Variants in CNDP1 observed in about 807,000 individuals in gnomAD.
CNDP1 encodes the protein beta-Ala-His dipeptidase.
A neutral mutation model predicts 58.1 loss-of-function variants in CNDP1; 44 were observed. That is an observed-to-expected ratio of 0.76 (90% confidence interval 0.60 to 0.97). The LOEUF (loss-of-function observed/expected upper bound fraction) is 0.97, where lower values mean the gene tolerates loss of function less well. Ranked by LOEUF, CNDP1 falls within the 50% of genes least tolerant of loss-of-function variation. The probability of loss-of-function intolerance (pLI) is 0.00; values close to 1 mark genes in which losing one functional copy is unlikely to be tolerated. For synonymous variants in CNDP1, 254 were observed against 252.6 expected (o/e 1.01, Z -0.05); for missense variants, 616 against 655.1 (o/e 0.94, Z 0.65).
chr18:74,546,489 G>A (rs563726123), intron 1 of CNDP1, among the ~76,000 whole-genome samples: 8 of 152,198 alleles, frequency 5.3e-5, no homozygotes, highest in African/African-American at 1.7e-4. Flanking sequence ...TGCCAGATGC[G>A]GTACTGTCTC....
chr18:74,562,095 C>T lies in CNDP1; in HGVS notation c.515C>T (p.Ala172Val), dbSNP rs1184229875. Residue 172 changes from alanine to valine, a missense_variant, in exon 5 of 12, where the codon GCT (alanine) becomes GTT (valine). By Grantham distance (64) the Ala-to-Val change is moderately conservative. Transcript: ENST00000358821. ...GATDNKGPVL[A>V]WINAVSAFRA... ...ACCGACAACAAAGGCCCTGTCTTGG[C>T]TTGGATCAATGCTGTGAGCGCCTTC... 2 of 1,613,980 alleles carry T rather than the reference C, an allele frequency of 1.2e-6. No homozygotes were observed. Among genetic ancestry groups the T allele is most frequent in the African/African-American group, 1.3e-5 (1 of 74,912 alleles).
chr18:74,544,717 CAAAAAAAAAAAA>C (rs10562152), intron 1 of CNDP1, among the ~76,000 whole-genome samples: 18 of 63,880 alleles, frequency 2.8e-4, no homozygotes, highest in African/African-American at 9.3e-4. Flanking sequence ...GGTTCTGTCT[CAAAAAAAAAAAA>C]AAAAAAAAAA....
intron 1 of CNDP1, among the ~76,000 whole-genome samples, chr18:74,540,965 C>T (rs997058725): frequency 6.6e-6 from 1 of 152,160 alleles, no homozygotes; most frequent in Non-Finnish European, 1.5e-5. Context: ...GAAGTGATGC[C>T]GATTTTCTTG....
At chr18:74,555,252 G>A (rs574772303) in intron 1 of CNDP1, among the ~76,000 whole-genome samples, 1 of 152,284 alleles carries the variant, frequency 6.6e-6, no homozygotes, top group African/African-American at 2.4e-5. Context: ...GCTGCAGGAG[G>A]GTGGGTTTGG....
intron 6 of CNDP1, among the ~76,000 whole-genome samples, 161 bp from the exon 7 acceptor site, chr18:74,571,025 C>T (rs1028833804): frequency 1.3e-5 from 2 of 152,152 alleles, no homozygotes; most frequent in African/African-American, 4.8e-5. Context: ...GTAGGAAATC[C>T]AGTCCCCATG....
Position 74,580,225 on chromosome 18 carries a change from T to C in CNDP1, c.1263T>C (p.Asn421=), listed in dbSNP as rs1568301337. The change falls in exon 10 of 12, where the codon AAT becomes AAC. Residue 421 remains asparagine (N), a synonymous_variant. Transcript: ENST00000358821. ...MTLGLHPWIA[N]IDDTQYLAAK... is the part of the protein sequence containing the mutation. ...TAGGACTACACCCGTGGATTGCAAA[T>C]ATTGATGACACCCAGTATCTCGCAG... The C allele has an allele frequency of 1.9e-6, 3 of 1,614,166 alleles. No homozygotes were observed. Among genetic ancestry groups the C allele is most frequent in the Non-Finnish European group, 2.5e-6 (3 of 1,180,012 alleles).
At chr18:74,553,874 C>A (rs1158831677) in intron 1 of CNDP1, among the ~76,000 whole-genome samples, 3 of 152,186 alleles carry the variant, frequency 2.0e-5, no homozygotes, top group African/African-American at 7.2e-5. Flanking sequence ...ACCATCCCCA[C>A]CCCATGATGG....
At chr18:74,552,228 T>C in intron 1 of CNDP1, among the ~76,000 whole-genome samples, 1 of 152,262 alleles carries the variant, frequency 6.6e-6, no homozygotes, top group East Asian at 1.9e-4. Context: ...TTCAATAATA[T>C]ATTTGTATTG....
chr18:74,558,121 A>G (rs1028271752), intron 2 of CNDP1, among the ~76,000 whole-genome samples: 1 of 152,244 alleles, frequency 6.6e-6, no homozygotes, highest in Non-Finnish European at 1.5e-5. Flanking sequence ...CATAATAAAA[A>G]TAAAAGCTCT....
chr18:74,563,017 G>A (rs911678746), intron 5 of CNDP1, among the ~76,000 whole-genome samples: 2 of 152,186 alleles, frequency 1.3e-5, no homozygotes, highest in Non-Finnish European at 2.9e-5. Context: ...CCCTGTCCAA[G>A]GCTGCAAGGC....
At chr18:74,579,438 A>G (rs1037282610) in intron 9 of CNDP1, among the ~76,000 whole-genome samples, 1 of 149,304 alleles carries the variant, frequency 6.7e-6, no homozygotes, top group African/African-American at 2.5e-5. Flanking sequence ...TTCTCACAAC[A>G]TATAAACTCC....
At chr18:74,560,599 T>C in intron 3 of CNDP1, among the ~76,000 whole-genome samples, 1 of 151,930 alleles carries the variant, frequency 6.6e-6, no homozygotes, top group East Asian at 1.9e-4. Context: ...CAGCTACTTA[T>C]GAGGAGGCTG....
At chr18:74,547,634 C>A (rs1980795791) in intron 1 of CNDP1, among the ~76,000 whole-genome samples, 1 of 152,310 alleles carries the variant, frequency 6.6e-6, no homozygotes, top group African/African-American at 2.4e-5. Context: ...ACAGGGCATG[C>A]AACTCTCCAG....
intron 7 of CNDP1, among the ~76,000 whole-genome samples, chr18:74,575,628 G>A (rs1316900551): frequency 6.6e-6 from 1 of 152,154 alleles, no homozygotes; most frequent in African/African-American, 2.4e-5. Context: ...GCACACTAGT[G>A]TATACAGGGG....
At chr18:74,582,985 AT>A (rs1165827398) in intron 10 of CNDP1, among the ~76,000 whole-genome samples, 3 of 152,180 alleles carry the variant, frequency 2.0e-5, no homozygotes, top group Non-Finnish European at 4.4e-5. Flanking sequence ...TTAGTTCAAA[AT>A]AAAATTTTTA....
chr18:74,560,188 G>T (rs1469327914), intron 3 of CNDP1, among the ~76,000 whole-genome samples: 1 of 151,838 alleles, frequency 6.6e-6, no homozygotes, highest in African/African-American at 2.4e-5. Context: ...GCTAATCTTT[G>T]TATTTTTATT....
chr18:74,555,939 C>A (rs1290608786), intron 1 of CNDP1, among the ~76,000 whole-genome samples: 1 of 152,212 alleles, frequency 6.6e-6, no homozygotes, highest in African/African-American at 2.4e-5. Context: ...TAGAGCAGTT[C>A]ATCACACATG....
Position 74,580,192 on chromosome 18 carries a change from C to T in CNDP1, c.1230C>T (p.Ser410=). Residue 410 remains serine, a synonymous_variant, in exon 10 of 12, where the codon TCC becomes TCT. Coordinates refer to ENST00000358821, the MANE Select transcript of CNDP1 (RefSeq NM_032649.6). The stretch of plus-strand genomic sequence containing the variant: ...ATAGTTCCAACAAGATGGTTGTTTC[C>T]ATGACTCTAGGACTACACCCGTGGA... ...KRNSSNKMVV[S]MTLGLHPWIA... is the part of the protein sequence containing the mutation. 3 of 1,614,034 alleles carry T rather than the reference C, an allele frequency of 1.9e-6. No homozygotes were observed. Among genetic ancestry groups the T allele is most frequent in the East Asian group, 2.2e-5 (1 of 44,880 alleles).
chr18:74,560,843 G>A lies in CNDP1; in HGVS notation c.304-13G>A, dbSNP rs1981173745. On this transcript the variant is annotated splice_polypyrimidine_tract_variant and intron_variant, in intron 3 of 11. Coordinates refer to ENST00000358821, the MANE Select transcript of CNDP1 (RefSeq NM_032649.6). ...CAGCATTTTTGAAAATGTGATTCCT[G>A]ATCATTCTGCAGCTGCCCGATGGTC... The A allele has an allele frequency of 6.2e-7, 1 of 1,607,336 alleles. No homozygotes were observed. The highest frequency in any genetic ancestry group is 8.5e-7 in the Non-Finnish European group (1 of 1,174,312).
Sources: gnomAD v4.1 joint callset for allele counts (sites outside exome capture counted in the v4.1 genomes callset) on GRCh38, gnomAD v4.1.1 for gene constraint, MANE v1.5 for transcripts, NCBI Gene and HGNC (gene_info 2026-07-23, HGNC 2026-07-21) for gene names.